The following CEP89 variants were observed in gnomAD, a reference collection of about 807,000 sequenced individuals.
The protein encoded by CEP89 is centrosomal protein 89.
CEP89 carries 95 observed loss-of-function variants against 97.6 expected under a neutral mutation model. The ratio of observed to expected loss-of-function variants is 0.97; its 90% confidence interval spans 0.82 to 1.15. The LOEUF (loss-of-function observed/expected upper bound fraction) is 1.15. CEP89 is among the 50% of genes most tolerant of loss of function. The pLI is 0.00. For missense variants in CEP89, 869 were observed against 947.7 expected (o/e 0.92, Z 1.09); for synonymous variants, 354 against 349.1 (o/e 1.01, Z -0.16).
chr19:32,881,750 G>A (rs761605227), intron 18 of CEP89, 94 bp downstream of exon 18: 568 of 1,215,086 alleles, frequency 4.7e-4, no homozygotes, highest in Non-Finnish European at 6.2e-4. Flanking sequence ...ATTAAACAAT[G>A]GAACAAATAA....
intron 2 of CEP89, among the ~76,000 whole-genome samples, chr19:32,963,317 C>T (rs954610820): frequency 7.9e-5 from 12 of 152,148 alleles, no homozygotes; most frequent in African/African-American, 2.9e-4. Flanking sequence ...AATCGTTCCA[C>T]TGCACTCCAG....
In CEP89 at chr19:32,915,942, T is replaced by C. The variant is rs563820702; in HGVS notation, c.1385-425A>G. ...AGAAAAAAAAAAAAAAAAAAAGATA[T>C]TTTGGAGTGTTATAAATTAACACCA... On this transcript the variant is annotated intron_variant, in intron 13 of 18. Coordinates refer to ENST00000305768, the MANE Select transcript of CEP89 (RefSeq NM_032816.5). 1.4e-4 allele frequency among the ~76,000 whole-genome samples: 21 copies of C among 150,542 alleles called. No individual in the cohort carries two copies. The South Asian group carries it at 2.3e-3, about 17-fold the overall frequency.
In CEP89 at chr19:32,915,450, C is replaced by G. The variant is rs150139285; in HGVS notation, c.1452G>C (p.Ala484=). The G allele has an allele frequency of 2.5e-6, 4 of 1,613,760 alleles. No individual in the cohort carries two copies. The Admixed American group carries it at 5.0e-5, about 20-fold the overall frequency. Residue 484 remains alanine, a synonymous_variant, in exon 14 of 19, where the codon GCG becomes GCC. Coordinates refer to ENST00000305768, the MANE Select transcript of CEP89 (RefSeq NM_032816.5). ...AAATCTCCAGCTGTTCCCTGTTCTC[C>G]GCCAGCTCCTTTTCCTGGCCGTGGG... ...AKTHGQEKEL[A]ENREQLEILR... is the part of the protein sequence containing the mutation.
At chr19:32,956,160 A>G (rs1455058431) in intron 3 of CEP89, among the ~76,000 whole-genome samples, 1 of 143,012 alleles carries the variant, frequency 7.0e-6, no homozygotes, top group Admixed American at 7.4e-5. Context: ...GGTTCACGCC[A>G]TTCTCCTGCC....
intron 4 of CEP89, among the ~76,000 whole-genome samples, chr19:32,952,730 C>A (rs2145957400): frequency 6.6e-6 from 1 of 150,666 alleles, no homozygotes; most frequent in South Asian, 2.1e-4. Context: ...ATGGAGAAAC[C>A]CTGTCTCTAC....
chr19:32,925,571 G>A (rs555109390), intron 11 of CEP89, among the ~76,000 whole-genome samples: 3 of 142,936 alleles, frequency 2.1e-5, no homozygotes, highest in African/African-American at 5.3e-5. Context: ...TCACTGCAAC[G>A]TCCAGCTCCC....
chr19:32,942,801 G>T (rs986315916), intron 5 of CEP89, among the ~76,000 whole-genome samples: 1 of 151,768 alleles, frequency 6.6e-6, no homozygotes, highest in African/African-American at 2.4e-5. Flanking sequence ...CTTCAATACT[G>T]GGCATACTCC....
In CEP89 at chr19:32,953,866, T is replaced by C. The variant is rs1970989907; in HGVS notation, c.306-65A>G. The stretch of plus-strand genomic sequence containing the variant: ...ACTTAACACTTGACACTGATAAATA[T>C]CTTTTTTTTTTTTTTTTTTTGAGGT... On this transcript the variant is annotated intron_variant, in intron 3 of 18. Coordinates refer to ENST00000305768, the MANE Select transcript of CEP89 (RefSeq NM_032816.5). 4 of 788,166 alleles carry C rather than the reference T, an allele frequency of 5.1e-6. No individual in the cohort carries two copies. In the Admixed American group the frequency reaches 8.5e-5, roughly 17 times the overall value. 48.8% of individuals were successfully genotyped at this position (788,166 alleles called of 1,614,324 possible). A position where few individuals can be genotyped will look rare whatever the true frequency, so the allele number is the denominator to read the frequency against.
At chr19:32,918,654 G>A (rs919354163) in intron 12 of CEP89, among the ~76,000 whole-genome samples, 3 of 152,096 alleles carry the variant, frequency 2.0e-5, no homozygotes, top group Admixed American at 6.5e-5. Context: ...TCACTAAATG[G>A]CTGATGAGGT....
rs576625862 is a variant in CEP89, at chr19:32,941,260, T to C, written c.596-1375A>G. On this transcript the variant is annotated intron_variant, in intron 5 of 18. Coordinates refer to ENST00000305768, the MANE Select transcript of CEP89 (RefSeq NM_032816.5). ...GCTCATGCCTGTAATCCCAGCACTT[T>C]GGGAGGCTGAGGTGGATGGATCACT... is the stretch of plus-strand genomic sequence containing the variant. 3.3e-5 allele frequency among the ~76,000 whole-genome samples: 5 copies of C among 152,040 alleles called. No homozygotes were observed. In the East Asian group the frequency reaches 9.8e-4, roughly 30 times the overall value.
At chr19:32,958,600 A>G (rs1199946290) in intron 3 of CEP89, among the ~76,000 whole-genome samples, 1 of 152,144 alleles carries the variant, frequency 6.6e-6, no homozygotes, top group Non-Finnish European at 1.5e-5. Context: ...AATCGCTTGA[A>G]TCCAGGAGGC....
At chr19:32,931,738 A>C (rs1970478835) in intron 8 of CEP89, among the ~76,000 whole-genome samples, 167 bp from the exon 9 acceptor site, 1 of 152,206 alleles carries the variant, frequency 6.6e-6, no homozygotes, top group African/African-American at 2.4e-5. Flanking sequence ...GTGTGAATGA[A>C]TAAAAGTTAC....
In CEP89 at chr19:32,892,119, TATATTTAGAC is replaced by T. The variant is rs1404242679; in HGVS notation, c.1876-4288_1876-4279del. On this transcript the variant is annotated intron_variant, in intron 16 of 18. Coordinates refer to ENST00000305768, the MANE Select transcript of CEP89 (RefSeq NM_032816.5). Reference sequence around the variant, plus strand: ...ATATATATATATATTTAGACATACATATATTTAGACATATATATTTAGACATATATATATT... The same window carrying T: ...ATATATATATATATTTAGACATACATATATATATTTAGACATATATATATT... Among the ~76,000 whole-genome samples the T allele has an allele frequency of 5.7e-3, 837 of 147,084 alleles. 12 individuals are homozygous for T. The highest frequency in any genetic ancestry group is 0.019 in the African/African-American group (755 of 40,312).
At position 32,877,127 on chromosome 19, in the gene CEP89, TAC is replaced by T. The variant is rs1355665985; in HGVS notation, c.*2033_*2034del. Reference sequence around the variant, plus strand: ...GTTAGGTCATCTCCTAGGGAGATGATACACAGTTTTCAATCCCAGTGAGTCTT... The same window carrying T: ...GTTAGGTCATCTCCTAGGGAGATGATACAGTTTTCAATCCCAGTGAGTCTT... On this transcript the variant is annotated 3_prime_UTR_variant, in exon 19 of 19. Transcript: ENST00000305768. 2.0e-5 allele frequency: 3 copies of T among 152,210 alleles called. No individual in the cohort carries two copies. The highest frequency in any genetic ancestry group is 4.4e-5 in the Non-Finnish European group (3 of 68,034). 9.4% of individuals were successfully genotyped at this position (152,210 alleles called of 1,614,324 possible). A position where few individuals can be genotyped will look rare whatever the true frequency, so the allele number is the denominator to read the frequency against.
At chr19:32,951,228 A>G (rs1489787335) in intron 4 of CEP89, among the ~76,000 whole-genome samples, 2 of 152,262 alleles carry the variant, frequency 1.3e-5, no homozygotes, top group African/African-American at 4.8e-5. Context: ...GCTGGGCGCA[A>G]TGGCTCACGC....
At chr19:32,892,811 A>G (rs932110343) in intron 16 of CEP89, among the ~76,000 whole-genome samples, 1 of 152,148 alleles carries the variant, frequency 6.6e-6, no homozygotes, top group Non-Finnish European at 1.5e-5. Context: ...CCCATCCTAC[A>G]TGAAATGCTT....
chr19:32,924,136 C>G (rs865814731), intron 11 of CEP89, among the ~76,000 whole-genome samples: 6 of 151,558 alleles, frequency 4.0e-5, no homozygotes, highest in Non-Finnish European at 7.4e-5. Context: ...TTCCCAAGTA[C>G]CTGTACTACT....
At chr19:32,887,682 C>A in intron 17 of CEP89, 70 bp downstream of exon 17, 1 of 933,878 alleles carries the variant, frequency 1.1e-6, no homozygotes, top group South Asian at 1.4e-5. Flanking sequence ...TTCTTAAACA[C>A]AAAAATCCAC....
intron 8 of CEP89, 97 bp downstream of exon 8, chr19:32,933,354 T>C: frequency 1.1e-6 from 1 of 943,024 alleles, no homozygotes; most frequent in Non-Finnish European, 1.6e-6. Context: ...CAACATAAAT[T>C]ACCAACACAA....
Sources: gnomAD v4.1 joint callset for allele counts (sites outside exome capture counted in the v4.1 genomes callset) on GRCh38, gnomAD v4.1.1 for gene constraint, MANE v1.5 for transcripts, NCBI Gene and HGNC (gene_info 2026-07-23, HGNC 2026-07-21) for gene names.